The following DPP9 variants were observed in gnomAD, a reference collection of about 807,000 sequenced individuals.
The protein encoded by DPP9 is dipeptidyl peptidase IV-related protein-2.
DPP9 carries 50 observed loss-of-function variants against 110.7 expected under a neutral mutation model. The observed-to-expected ratio is 0.45, with a 90% CI of 0.36 to 0.57. DPP9 has a LOEUF of 0.57. Ranked by LOEUF, DPP9 falls within the 20% of genes least tolerant of loss-of-function variation. The pLI is 0.00. For synonymous variants in DPP9, 561 were observed against 514.4 expected (o/e 1.09, Z -1.23); for missense variants, 1,022 against 1,217.9 (o/e 0.84, Z 2.39).
intron 4 of DPP9, 47 bp from the exon 5 acceptor site, chr19:4,706,017 T>G (rs566074371): frequency 5.2e-6 from 8 of 1,543,384 alleles, no homozygotes; most frequent in Non-Finnish European, 7.1e-6. Context: ...TGGCTCAGGA[T>G]GGGGAGACGC....
At chr19:4,723,492 G>A (rs1023001661) in intron 1 of DPP9, among the ~76,000 whole-genome samples, 182 bp downstream of exon 1, 39 of 152,170 alleles carry the variant, frequency 2.6e-4, no homozygotes, top group Admixed American at 9.8e-4. Context: ...GGTGGAGGAG[G>A]GCCTGGGGCG....
rs1286813125 is a variant in DPP9, at chr19:4,710,822, C to G, written c.313+3259G>C. ...GGAGTCGTTGAAGGGTGAATTTCACCCCGAAAGGGGCAGTCTGGTTTTTGA... is the reference window on the plus strand; with the variant it reads ...GGAGTCGTTGAAGGGTGAATTTCACGCCGAAAGGGGCAGTCTGGTTTTTGA... On this transcript the variant is annotated intron_variant, in intron 4 of 21. Coordinates refer to ENST00000262960, the MANE Select transcript of DPP9 (RefSeq NM_139159.5). This position sits in a 1 kb window ranked among gnomAD's most constrained non-coding sequence, Gnocchi z 5.6. Among the ~76,000 whole-genome samples, 1 of 152,016 alleles carries G rather than the reference C, an allele frequency of 6.6e-6. No individual in the cohort carries two copies. Among genetic ancestry groups the G allele is most frequent in the East Asian group, 1.9e-4 (1 of 5,184 alleles).
In DPP9 at chr19:4,695,626, G is replaced by A; in HGVS notation, c.1176-71C>T. ...TCAGTGGCCTGCACAGAGAAGCTGG[G>A]GACGCAGCGTCCAAACCCGTGTGGA... On this transcript the variant is annotated intron_variant, in intron 11 of 21. Transcript: ENST00000262960. This position sits in a 1 kb window ranked among gnomAD's most constrained non-coding sequence, Gnocchi z 4.7. 1 of 1,328,604 alleles carries A rather than the reference G, an allele frequency of 7.5e-7. No homozygotes were observed. Among genetic ancestry groups the A allele is most frequent in the Non-Finnish European group, 9.9e-7 (1 of 1,005,830 alleles). 82.3% of individuals were successfully genotyped at this position (1,328,604 alleles called of 1,614,324 possible).
rs1006140313 is a variant in DPP9 at position 4,700,715 on chromosome 19, C to G, written c.1013-438G>C. 9.9e-5 allele frequency among the ~76,000 whole-genome samples: 15 copies of G among 152,186 alleles called. No individual in the cohort carries two copies. Among genetic ancestry groups the G allele is most frequent in the Non-Finnish European group, 1.9e-4 (13 of 68,028 alleles). Reference sequence around the variant, plus strand: ...GTGTCCCATGCAAAACCAGGGAGCCCGTGTGACAGCCAGACCTGCGCCCTC... The same window carrying G: ...GTGTCCCATGCAAAACCAGGGAGCCGGTGTGACAGCCAGACCTGCGCCCTC... On this transcript the variant is annotated intron_variant, in intron 9 of 21. Coordinates refer to ENST00000262960, the MANE Select transcript of DPP9 (RefSeq NM_139159.5). This position sits in a 1 kb window ranked among gnomAD's most constrained non-coding sequence, Gnocchi z 4.3.
chr19:4,715,660 G>A (rs542133141), intron 3 of DPP9: 2 of 152,302 alleles, frequency 1.3e-5, no homozygotes, highest in East Asian at 3.9e-4. Flanking sequence ...ATCCATCCTG[G>A]TCACCTGTGC....
intron 4 of DPP9, among the ~76,000 whole-genome samples, chr19:4,711,309 G>A (rs1419118529): frequency 6.6e-6 from 1 of 152,160 alleles, no homozygotes; most frequent in East Asian, 1.9e-4. Flanking sequence ...GCTCCACGGA[G>A]ATTTGAATGA....
At position 4,704,089 on chromosome 19, in the gene DPP9, C is replaced by T; in HGVS notation, c.601-35G>A. 1.2e-6 allele frequency: 2 copies of T among 1,613,548 alleles called. No individual in the cohort carries two copies. Among genetic ancestry groups the T allele is most frequent in the Non-Finnish European group, 1.7e-6 (2 of 1,179,628 alleles). On this transcript the variant is annotated intron_variant, in intron 6 of 21. Coordinates refer to ENST00000262960, the MANE Select transcript of DPP9 (RefSeq NM_139159.5). This position sits in a 1 kb window ranked among gnomAD's most constrained non-coding sequence, Gnocchi z 6.0. The stretch of plus-strand genomic sequence containing the variant: ...GAGACGCCCAGCTCAGGGGGAGGGG[C>T]CCTCCACGCCACCCCCGCACACAGC...
rs572550077 is a variant in DPP9 at position 4,685,920 on chromosome 19, G to T, written c.1886-149C>A. The T allele has an allele frequency of 4.7e-6, 4 of 852,232 alleles. No homozygotes were observed. Among genetic ancestry groups the T allele is most frequent in the Non-Finnish European group, 5.2e-6 (3 of 577,300 alleles). 52.8% of individuals were successfully genotyped at this position (852,232 alleles called of 1,614,324 possible). On this transcript the variant is annotated intron_variant, in intron 16 of 21. Coordinates refer to ENST00000262960, the MANE Select transcript of DPP9 (RefSeq NM_139159.5). The surrounding 1 kb of genome is among the most constrained non-coding windows in gnomAD (Gnocchi z 5.8). Reference sequence around the variant, plus strand: ...CCGAGAGTTGATAATTGAAAAAAACGTTTTTTTTTCATTAAATAAGATTTG... The same window carrying T: ...CCGAGAGTTGATAATTGAAAAAAACTTTTTTTTTTCATTAAATAAGATTTG...
intron 1 of DPP9, 166 bp from the exon 2 acceptor site, chr19:4,722,717 A>C: frequency 1.7e-6 from 1 of 590,548 alleles, no homozygotes; most frequent in Non-Finnish European, 3.0e-6. Flanking sequence ...CCTGGACAGA[A>C]TCTGGGAGAG....
At chr19:4,720,886 C>T (rs1212554038) in intron 2 of DPP9, among the ~76,000 whole-genome samples, 1 of 152,238 alleles carries the variant, frequency 6.6e-6, no homozygotes, top group Non-Finnish European at 1.5e-5. Context: ...AACAAGCATT[C>T]TAAACGAGGG....
chr19:4,691,202 C>T (rs1028420846), intron 13 of DPP9, among the ~76,000 whole-genome samples: 62 of 152,050 alleles, frequency 4.1e-4, no homozygotes, highest in African/African-American at 1.4e-3. Flanking sequence ...CCAGGAGACC[C>T]GTGGCTCACT....
intron 4 of DPP9, among the ~76,000 whole-genome samples, chr19:4,708,719 A>G (rs2092699542): frequency 6.6e-6 from 1 of 152,214 alleles, no homozygotes; most frequent in Non-Finnish European, 1.5e-5. Context: ...CTCACTTTAT[A>G]AGTGGGAGTT....
In DPP9 at chr19:4,702,129, T is replaced by C; in HGVS notation, c.910A>G (p.Ile304Val). 2.5e-6 allele frequency: 4 copies of C among 1,613,740 alleles called. No individual in the cohort carries two copies. Among genetic ancestry groups the C allele is most frequent in the Non-Finnish European group, 3.4e-6 (4 of 1,179,734 alleles). ...GACTCATCGACTTCCTCATACAGGA[T>C]TCGCAGCGTCTTGAGGCCCTCTGAA... ...EGSEGLKTLR[I>V]LYEEVDESEV... Residue 304 changes from isoleucine (I) to valine (V), a missense_variant, in exon 9 of 22, where the codon ATC (isoleucine) becomes GTC (valine). Physicochemically the swap from Ile to Val is conservative, Grantham distance 29. Coordinates refer to ENST00000262960, the MANE Select transcript of DPP9 (RefSeq NM_139159.5).
intron 3 of DPP9, 119 bp downstream of exon 3, chr19:4,719,732 G>T: frequency 8.5e-7 from 1 of 1,171,168 alleles, no homozygotes. Flanking sequence ...CAGTCTTGGG[G>T]ACGTGCTGGG....
chr19:4,720,009 C>A, intron 2 of DPP9, 68 bp from the exon 3 acceptor site: 1 of 1,254,986 alleles, frequency 8.0e-7, no homozygotes, highest in Non-Finnish European at 1.1e-6. Flanking sequence ...GCGCTCCTGC[C>A]CCCTTCGCCC....
At chr19:4,691,159 G>C (rs1419027762) in intron 13 of DPP9, among the ~76,000 whole-genome samples, 1 of 152,198 alleles carries the variant, frequency 6.6e-6, no homozygotes, top group Admixed American at 6.5e-5. Flanking sequence ...TTCCTGCCAT[G>C]TGGATGGCAG....
chr19:4,682,090 C>T lies in DPP9; in HGVS notation c.2474+606G>A, dbSNP rs527762474. On this transcript the variant is annotated intron_variant, in intron 20 of 21. Coordinates refer to ENST00000262960, the MANE Select transcript of DPP9 (RefSeq NM_139159.5). This position sits in a 1 kb window ranked among gnomAD's most constrained non-coding sequence, Gnocchi z 7.1. ...GTCTCAATCTCCTGACCTCACGATC[C>T]GCCCGCCTCAGCCTCCCAGAGTGCT... 3.9e-5 allele frequency among the ~76,000 whole-genome samples: 6 copies of T among 152,114 alleles called. No homozygotes were observed. Among genetic ancestry groups the T allele is most frequent in the South Asian group, 2.1e-4 (1 of 4,820 alleles).
Position 4,682,972 on chromosome 19 carries a change from A to G in DPP9, c.2332-134T>C, listed in dbSNP as rs569066359. 9.1e-5 allele frequency: 140 copies of G among 1,532,872 alleles called. No individual in the cohort carries two copies. The highest frequency in any genetic ancestry group is 9.1e-4 in the East Asian group (37 of 40,810). 95.0% of individuals were successfully genotyped at this position (1,532,872 alleles called of 1,614,324 possible). On this transcript the variant is annotated intron_variant, in intron 19 of 21. Coordinates refer to ENST00000262960, the MANE Select transcript of DPP9 (RefSeq NM_139159.5). The surrounding 1 kb of genome is among the most constrained non-coding windows in gnomAD (Gnocchi z 7.1). ...AGCGCTCATGCACATGGGGCCGGCA[A>G]GGAAGGGGCCCTCAGACCGCGTGGC...
chr19:4,685,941 A>G lies in DPP9; in HGVS notation c.1886-170T>C, dbSNP rs1274454342. 2.8e-6 allele frequency: 2 copies of G among 717,438 alleles called. No homozygotes were observed. The highest frequency in any genetic ancestry group is 4.4e-6 in the Non-Finnish European group (2 of 454,492). The allele number at this position is 717,438 out of a possible 1,614,324, so 44.4% of individuals were successfully genotyped here. On this transcript the variant is annotated intron_variant, in intron 16 of 21. Coordinates refer to ENST00000262960, the MANE Select transcript of DPP9 (RefSeq NM_139159.5). This position sits in a 1 kb window ranked among gnomAD's most constrained non-coding sequence, Gnocchi z 5.8. ...AAACGTTTTTTTTTCATTAAATAAG[A>G]TTTGTACAGTTTTTGTAGAGATGGG...
Sources: gnomAD v4.1 joint callset for allele counts (sites outside exome capture counted in the v4.1 genomes callset) on GRCh38, gnomAD v4.1.1 for gene constraint, Gnocchi (gnomAD v3.1) non-coding constraint, MANE v1.5 for transcripts, NCBI Gene and HGNC (gene_info 2026-07-23, HGNC 2026-07-21) for gene names.